The following ZFHX3 variants were observed in gnomAD, a reference collection of about 807,000 sequenced individuals.
The protein encoded by ZFHX3 is zinc finger homeobox protein 3.
ZFHX3 carries 42 observed loss-of-function variants against 279.1 expected under a neutral mutation model. The observed-to-expected ratio is 0.15, with a 90% CI of 0.12 to 0.19. The LOEUF (loss-of-function observed/expected upper bound fraction) is 0.19. Ranked by LOEUF, ZFHX3 falls within the 10% of genes least tolerant of loss-of-function variation. The pLI, the probability that ZFHX3 is intolerant of heterozygous loss-of-function variation, is 1.00. For missense variants in ZFHX3, 4,981 were observed against 4,754.0 expected, an observed-to-expected ratio of 1.05 and a Z score of -1.40; for synonymous variants, 2,293 against 1,957.8, an observed-to-expected ratio of 1.17 and a Z score of -4.52.
chr16:73,253,640 A>G (rs1233410743), intron 5 of ZFHX3, among the ~76,000 whole-genome samples: 2 of 151,514 alleles, frequency 1.3e-5, no homozygotes, highest in South Asian at 2.1e-4. Context: ...TATTTTTAGT[A>G]GAGAAGGGGT....
At chr16:73,084,985 T>A (rs62052375) in intron 8 of ZFHX3, among the ~76,000 whole-genome samples, 5,854 of 152,174 alleles carry the variant, frequency 0.038, 167 homozygotes, top group African/African-American at 0.083. Flanking sequence ...CGAAGCAATT[T>A]ACAGACTCAA....
At chr16:73,763,519 A>G (rs1208603029) in intron 1 of ZFHX3, among the ~76,000 whole-genome samples, 3 of 152,186 alleles carry the variant, frequency 2.0e-5, no homozygotes, top group Non-Finnish European at 4.4e-5. Context: ...GCTTAAAATA[A>G]TAGGGTGGAG....
intron 5 of ZFHX3, among the ~76,000 whole-genome samples, chr16:73,208,189 G>T (rs1385796069): frequency 6.6e-6 from 1 of 152,126 alleles, no homozygotes; most frequent in African/African-American, 2.4e-5. Context: ...AACATTATTT[G>T]TTTTTGAAAA....
chr16:73,057,370 T>C (rs889807260), intron 1 of ZFHX3, among the ~76,000 whole-genome samples: 4 of 152,146 alleles, frequency 2.6e-5, no homozygotes, highest in African/African-American at 9.7e-5. Flanking sequence ...CTTAATTATA[T>C]ACACTGCATG....
At chr16:72,944,603 T>G (rs1960572804) in intron 3 of ZFHX3, among the ~76,000 whole-genome samples, 1 of 141,644 alleles carries the variant, frequency 7.1e-6, no homozygotes, top group Non-Finnish European at 1.5e-5. Context: ...ATCCATCACA[T>G]GGTAGGATTA....
At chr16:73,386,212 CTCTT>C (rs2016900250) in intron 3 of ZFHX3, among the ~76,000 whole-genome samples, 1 of 152,154 alleles carries the variant, frequency 6.6e-6, no homozygotes, top group Non-Finnish European at 1.5e-5. Flanking sequence ...CTCTCTCTCT[CTCTT>C]TCTCTCTCTG....
At chr16:72,825,670 G>A (rs760387387) in intron 5 of ZFHX3, among the ~76,000 whole-genome samples, 5 of 152,240 alleles carry the variant, frequency 3.3e-5, no homozygotes, top group Non-Finnish European at 7.3e-5. Flanking sequence ...CTGGCACAGG[G>A]TTAGAGCTTT....
At chr16:73,830,861 A>C (rs921271445) in intron 1 of ZFHX3, among the ~76,000 whole-genome samples, 1 of 152,224 alleles carries the variant, frequency 6.6e-6, no homozygotes, top group Non-Finnish European at 1.5e-5. Flanking sequence ...AATGAACAGA[A>C]GCCAGCAAGT....
intron 8 of ZFHX3, among the ~76,000 whole-genome samples, chr16:73,067,379 C>T (rs1965769004): frequency 6.6e-6 from 1 of 152,200 alleles, no homozygotes; most frequent in Non-Finnish European, 1.5e-5. Context: ...CTGCCACGGG[C>T]GCTCCTCCAC....
chr16:73,517,759 T>C (rs776650406), intron 2 of ZFHX3, among the ~76,000 whole-genome samples: 3 of 152,186 alleles, frequency 2.0e-5, no homozygotes, highest in Non-Finnish European at 4.4e-5. Flanking sequence ...TTTAATCTGG[T>C]ATAACACCAG....
intron 3 of ZFHX3, among the ~76,000 whole-genome samples, chr16:73,428,167 C>T (rs1447854309): frequency 6.6e-6 from 1 of 152,138 alleles, no homozygotes; most frequent in Non-Finnish European, 1.5e-5. Context: ...CCAGAACCAG[C>T]CTTTGTCCAG....
intron 5 of ZFHX3, among the ~76,000 whole-genome samples, chr16:73,186,983 A>G (rs954471827): frequency 7.2e-5 from 11 of 152,198 alleles, no homozygotes; most frequent in African/African-American, 2.7e-4. Context: ...TGTAGGAGTG[A>G]ATGTGCTCAC....
chr16:73,454,616 T>G (rs1409933656), intron 3 of ZFHX3, among the ~76,000 whole-genome samples: 1 of 151,968 alleles, frequency 6.6e-6, no homozygotes, highest in Non-Finnish European at 1.5e-5. Context: ...TCAATTTCTT[T>G]ATTTTTCTAT....
intron 4 of ZFHX3, among the ~76,000 whole-genome samples, chr16:73,315,636 A>G (rs1482641227): frequency 6.6e-6 from 1 of 152,198 alleles, no homozygotes; most frequent in Non-Finnish European, 1.5e-5. Context: ...CCCAAACAGA[A>G]ATACAATGGT....
intron 5 of ZFHX3, among the ~76,000 whole-genome samples, chr16:73,228,005 T>C (rs1436205533): frequency 6.6e-6 from 1 of 152,164 alleles, no homozygotes; most frequent in South Asian, 2.1e-4. Context: ...CCCTATGTAT[T>C]AGGCACTATT....
At chr16:73,050,619 C>T (rs62055074), upstream of ZFHX3, among the ~76,000 whole-genome samples, 6,724 of 152,220 alleles carry the variant, frequency 0.044, 314 homozygotes, top group East Asian at 0.25. Flanking sequence ...ATCAGGAGTT[C>T]CTCTGAAATA....
chr16:73,394,910 C>A (rs1314068736), intron 3 of ZFHX3, among the ~76,000 whole-genome samples: 1 of 152,158 alleles, frequency 6.6e-6, no homozygotes, highest in Non-Finnish European at 1.5e-5. Context: ...AAGACATTTG[C>A]CTTGGGATTG....
intron 2 of ZFHX3, among the ~76,000 whole-genome samples, chr16:73,608,243 C>A (rs1043865619): frequency 6.6e-6 from 1 of 152,190 alleles, no homozygotes; most frequent in Admixed American, 6.5e-5. Context: ...ACTTCCTTCC[C>A]ATTTCCCCAT....
rs1247685608 is a variant in ZFHX3, at chr16:72,819,207, C to T, written c.3530-7169G>A. Among the ~76,000 whole-genome samples the T allele has an allele frequency of 4.0e-5, 6 of 151,862 alleles. No individual in the cohort carries two copies. In the East Asian group the frequency reaches 9.7e-4, roughly 24 times the overall value. On this transcript the variant is annotated intron_variant, in intron 5 of 9. Coordinates refer to ENST00000268489, the MANE Select transcript of ZFHX3 (RefSeq NM_006885.4). Reference sequence around the variant, plus strand: ...ACTCTTCATCGTGACCCTGCCTCTCCGGCTCCCTCCCTCCCTCCCTCTCCC... The same window carrying T: ...ACTCTTCATCGTGACCCTGCCTCTCTGGCTCCCTCCCTCCCTCCCTCTCCC...
Sources: gnomAD v4.1 joint callset for allele counts (sites outside exome capture counted in the v4.1 genomes callset) on GRCh38, gnomAD v4.1.1 for gene constraint, MANE v1.5 for transcripts, NCBI Gene and HGNC (gene_info 2026-07-23, HGNC 2026-07-21) for gene names.